NOX4: variants seen among roughly 807,000 people sequenced by gnomAD.
NOX4 encodes the protein kidney oxidase-1.
NOX4 carries 69 observed loss-of-function variants against 87.6 expected under a neutral mutation model. The ratio of observed to expected loss-of-function variants is 0.79; its 90% confidence interval spans 0.65 to 0.96. The LOEUF is 0.96. Ranked by LOEUF, NOX4 falls within the 40% of genes least tolerant of loss-of-function variation. The pLI is 0.00. For synonymous variants in NOX4, 275 were observed against 238.2 expected (o/e 1.15, Z -1.42); for missense variants, 680 against 681.5 (o/e 1.00, Z 0.02).
At chr11:89,430,953 A>T (rs898301138) in intron 7 of NOX4, among the ~76,000 whole-genome samples, 19 of 152,132 alleles carry the variant, frequency 1.2e-4, no homozygotes, top group African/African-American at 2.9e-4. Context: ...GACTTCAAAC[A>T]ATACTACAAG....
chr11:89,425,940 ATATATCT>A (rs1473863397), intron 7 of NOX4, among the ~76,000 whole-genome samples: 1 of 152,094 alleles, frequency 6.6e-6, no homozygotes, highest in African/African-American at 2.4e-5. Flanking sequence ...ATTAGAGGAA[ATATATCT>A]TATATTCCTT....
the NOX4 span, among the ~76,000 whole-genome samples, chr11:89,587,025 CA>C: frequency 6.6e-6 from 1 of 151,930 alleles, no homozygotes; most frequent in Admixed American, 6.6e-5. Flanking sequence ...TCCTAGTGTA[CA>C]TATTATAAAG....
intron 11 of NOX4, among the ~76,000 whole-genome samples, chr11:89,384,387 C>G (rs1940529972): frequency 6.6e-6 from 1 of 152,178 alleles, no homozygotes; most frequent in African/African-American, 2.4e-5. Flanking sequence ...TTACTTCCGT[C>G]AAGCCTAAAT....
chr11:89,472,520 A>G (rs1281720340), intron 2 of NOX4, among the ~76,000 whole-genome samples: 1 of 151,992 alleles, frequency 6.6e-6, no homozygotes, highest in East Asian at 1.9e-4. Flanking sequence ...AATCTTTTCT[A>G]TTTGTTTTAT....
chr11:89,423,151 G>C (rs1352328823), intron 7 of NOX4, among the ~76,000 whole-genome samples: 1 of 151,980 alleles, frequency 6.6e-6, no homozygotes, highest in Non-Finnish European at 1.5e-5. Flanking sequence ...AAAATTAAGG[G>C]ATACACCTTT....
chr11:89,587,093 A>T, the NOX4 span, among the ~76,000 whole-genome samples: 1 of 152,188 alleles, frequency 6.6e-6, no homozygotes, highest in Non-Finnish European at 1.5e-5. Flanking sequence ...CACAGAAAAA[A>T]TAATCAGAAT....
chr11:89,580,331 C>T, the NOX4 span, among the ~76,000 whole-genome samples: 18 of 151,966 alleles, frequency 1.2e-4, no homozygotes, highest in Non-Finnish European at 1.8e-4. Context: ...ACTACAGGTG[C>T]GCACCACCAC....
chr11:89,567,365 T>A, the NOX4 span, among the ~76,000 whole-genome samples: 1 of 152,194 alleles, frequency 6.6e-6, no homozygotes, highest in African/African-American at 2.4e-5. Flanking sequence ...CTATGGCCTC[T>A]TCCTACTACT....
Position 89,485,532 on chromosome 11 carries a change from A to G in NOX4, c.153+4926T>C, listed in dbSNP as rs368378189. Among the ~76,000 whole-genome samples the G allele has an allele frequency of 1.2e-4, 19 of 152,274 alleles. 1 individual carries two copies. Among genetic ancestry groups the G allele is most frequent in the Admixed American group, 3.9e-4 (6 of 15,296 alleles). On this transcript the variant is annotated intron_variant, in intron 2 of 17. Transcript: ENST00000263317. ...AAATGTAAAAAACGCAACTCAAAAC[A>G]GGTAAACATGAATTCAAGAGCTCCT...
the NOX4 span, among the ~76,000 whole-genome samples, chr11:89,546,935 C>T: frequency 6.6e-6 from 1 of 152,102 alleles, no homozygotes; most frequent in Non-Finnish European, 1.5e-5. Flanking sequence ...TTGGAGGAAA[C>T]GTTCAAACCA....
intron 13 of NOX4, among the ~76,000 whole-genome samples, chr11:89,349,838 G>A (rs1272383440): frequency 1.3e-5 from 2 of 152,110 alleles, no homozygotes; most frequent in East Asian, 3.9e-4. Context: ...CAAGTAATTT[G>A]TGGATAAAAT....
In NOX4 at chr11:89,477,243, A is replaced by G. The variant is rs1018903848; in HGVS notation, c.153+13215T>C. Among the ~76,000 whole-genome samples, 4 of 152,296 alleles carry G rather than the reference A, an allele frequency of 2.6e-5. No individual in the cohort carries two copies. In the South Asian group the frequency reaches 6.2e-4, roughly 24 times the overall value. On this transcript the variant is annotated intron_variant, in intron 2 of 17. Coordinates refer to ENST00000263317, the MANE Select transcript of NOX4 (RefSeq NM_016931.5). ...TCCTATCTGGGGGGTGACAGGAGACAGTGACAGATCATCAGGCATTAGATG... is the reference window on the plus strand; with the variant it reads ...TCCTATCTGGGGGGTGACAGGAGACGGTGACAGATCATCAGGCATTAGATG...
chr11:89,405,013 G>C (rs776790668), intron 8 of NOX4, among the ~76,000 whole-genome samples: 1 of 150,938 alleles, frequency 6.6e-6, no homozygotes, highest in Non-Finnish European at 1.5e-5. Flanking sequence ...CCTATGTCAC[G>C]CAAAGCAAAT....
At chr11:89,359,589 T>G (rs1395540653) in intron 12 of NOX4, among the ~76,000 whole-genome samples, 2 of 152,002 alleles carry the variant, frequency 1.3e-5, no homozygotes, top group African/African-American at 4.8e-5. Flanking sequence ...TTGTATAACC[T>G]AAAGATCCTT....
chr11:89,562,927 T>C, the NOX4 span, among the ~76,000 whole-genome samples: 1 of 152,180 alleles, frequency 6.6e-6, no homozygotes, highest in Non-Finnish European at 1.5e-5. Context: ...TCCCCCATGC[T>C]GTTCTCCTGA....
intron 7 of NOX4, among the ~76,000 whole-genome samples, chr11:89,431,451 C>T (rs1943776225): frequency 6.6e-6 from 1 of 152,090 alleles, no homozygotes; most frequent in Non-Finnish European, 1.5e-5. Flanking sequence ...TTGCAGTCTA[C>T]CTATCTGACA....
the NOX4 span, among the ~76,000 whole-genome samples, chr11:89,566,283 T>TC: frequency 2.0e-4 from 31 of 151,726 alleles, no homozygotes; most frequent in Middle Eastern, 6.8e-3. Context: ...GACCTTGTGC[T>TC]CCCCGCCCTT....
chr11:89,475,728 T>C (rs749383755), intron 2 of NOX4, among the ~76,000 whole-genome samples: 7 of 151,958 alleles, frequency 4.6e-5, no homozygotes, highest in Non-Finnish European at 8.8e-5. Flanking sequence ...ATAATTGATA[T>C]TATACTATAG....
In NOX4 at chr11:89,485,772, C is replaced by T. The variant is rs547816924; in HGVS notation, c.153+4686G>A. ...GGTTGCCATGGGGGAGTGGAGCAGGCTATTGTTTGGTTTGTTGGTTTGCTT... is the reference window on the plus strand; with the variant it reads ...GGTTGCCATGGGGGAGTGGAGCAGGTTATTGTTTGGTTTGTTGGTTTGCTT... On this transcript the variant is annotated intron_variant, in intron 2 of 17. Coordinates refer to ENST00000263317, the MANE Select transcript of NOX4 (RefSeq NM_016931.5). Among the ~76,000 whole-genome samples the T allele has an allele frequency of 3.3e-5, 5 of 152,122 alleles. No homozygotes were observed. In the East Asian group the frequency reaches 9.6e-4, roughly 29 times the overall value.
Sources: allele counts gnomAD v4.1 joint callset (sites outside exome capture counted in the v4.1 genomes callset), GRCh38; gene constraint gnomAD v4.1.1; transcripts MANE v1.5; gene names NCBI Gene and HGNC (gene_info 2026-07-23, HGNC 2026-07-21).